EYS: variants seen among roughly 807,000 people sequenced by gnomAD.
The protein encoded by EYS is EGF-like photoreceptor maintenance factor, also known as protein eyes shut homolog.
A neutral mutation model predicts 282.1 loss-of-function variants in EYS; 250 were observed. That is an observed-to-expected ratio of 0.89 (90% CI 0.80 to 0.98). The LOEUF (loss-of-function observed/expected upper bound fraction) is 0.98. EYS is among the 50% of genes least tolerant of loss of function. The pLI is 0.00. For synonymous variants in EYS, 1,355 were observed against 1,282.9 expected (o/e 1.06, Z -1.20); for missense variants, 4,016 against 3,709.0 (o/e 1.08, Z -2.15).
At chr6:65,143,463 C>T (rs1352644599) in intron 12 of EYS, among the ~76,000 whole-genome samples, 1 of 151,490 alleles carries the variant, frequency 6.6e-6, no homozygotes. Flanking sequence ...CAATAATATT[C>T]AAGTTGAAAA....
At chr6:64,638,315 T>A (rs1768038424) in intron 22 of EYS, among the ~76,000 whole-genome samples, 1 of 91,826 alleles carries the variant, frequency 1.1e-5, no homozygotes, top group African/African-American at 4.1e-5. Context: ...GTAGATACAT[T>A]GTTCCTTTCT....
At chr6:64,427,142 C>T (rs1462753095) in intron 28 of EYS, among the ~76,000 whole-genome samples, 1 of 151,980 alleles carries the variant, frequency 6.6e-6, no homozygotes, top group African/African-American at 2.4e-5. Context: ...TGGTTAGTTC[C>T]CTTAAAAAAT....
chr6:64,416,658 A>C (rs908747090), intron 28 of EYS, among the ~76,000 whole-genome samples: 10 of 152,154 alleles, frequency 6.6e-5, no homozygotes, highest in Non-Finnish European at 1.2e-4. Flanking sequence ...CTAAGTGCTA[A>C]GAAATTGGAG....
intron 21 of EYS, among the ~76,000 whole-genome samples, chr6:64,817,580 T>C (rs1234819906): frequency 6.6e-6 from 1 of 152,058 alleles, no homozygotes; most frequent in Non-Finnish European, 1.5e-5. Context: ...ATAAAATAGG[T>C]CATTTTTTCG....
rs140799855 is a variant in EYS at position 64,926,923 on chromosome 6, G to A, written c.2382-14180C>T. 1.9e-4 allele frequency among the ~76,000 whole-genome samples: 29 copies of A among 152,232 alleles called. 1 individual carries two copies. In the East Asian group the frequency reaches 5.6e-3, roughly 29 times the overall value. ...AAGAGCAAATATAAAGACTATACAG[G>A]CGATATACGTCATGATTTTTTTACA... On this transcript the variant is annotated intron_variant, in intron 15 of 42. Transcript: ENST00000503581.
At chr6:64,862,148 G>A (rs1015730770) in intron 19 of EYS, among the ~76,000 whole-genome samples, 4 of 151,902 alleles carry the variant, frequency 2.6e-5, no homozygotes, top group African/African-American at 4.8e-5. Flanking sequence ...CTCTGATTTC[G>A]CATGTGAAGT....
intron 22 of EYS, among the ~76,000 whole-genome samples, chr6:64,807,249 T>C (rs1764460206): frequency 6.6e-6 from 1 of 152,114 alleles, no homozygotes; most frequent in East Asian, 1.9e-4. Flanking sequence ...TTCTTTTGTA[T>C]TTGATATTTC....
chr6:63,979,625 G>C (rs1402037030), intron 35 of EYS, among the ~76,000 whole-genome samples: 1 of 151,764 alleles, frequency 6.6e-6, no homozygotes, highest in African/African-American at 2.4e-5. Flanking sequence ...AAAAACATAT[G>C]GCTCAGAAAG....
chr6:64,683,451 A>C (rs1428847850), intron 22 of EYS, among the ~76,000 whole-genome samples: 1 of 152,252 alleles, frequency 6.6e-6, no homozygotes, highest in Non-Finnish European at 1.5e-5. Context: ...AATTTGTATT[A>C]TCTGAAATGA....
intron 35 of EYS, among the ~76,000 whole-genome samples, chr6:63,962,980 A>AC (rs1483819860): frequency 2.0e-5 from 3 of 152,034 alleles, no homozygotes; most frequent in Admixed American, 6.6e-5. Flanking sequence ...GAAGCTGGAA[A>AC]CCATCATTCT....
chr6:64,393,765 T>C (rs1773251325), intron 28 of EYS, among the ~76,000 whole-genome samples: 1 of 151,656 alleles, frequency 6.6e-6, no homozygotes, highest in Admixed American at 6.6e-5. Context: ...CAACATAGTG[T>C]TGGAAGTTCT....
chr6:65,314,054 A>G (rs1274384193), intron 11 of EYS, among the ~76,000 whole-genome samples: 1 of 151,858 alleles, frequency 6.6e-6, no homozygotes, highest in African/African-American at 2.4e-5. Context: ...TTCCCCACTT[A>G]GTGCCTTTCC....
chr6:64,277,421 TACCTAAACCTGTAAGATAA>T (rs913311170), intron 30 of EYS, among the ~76,000 whole-genome samples: 2 of 152,124 alleles, frequency 1.3e-5, no homozygotes, highest in Non-Finnish European at 2.9e-5. Flanking sequence ...ATGCTAATGT[TACCTAAACCTGTAAGATAA>T]ACCTAAACCT....
intron 9 of EYS, among the ~76,000 whole-genome samples, chr6:65,350,733 G>A (rs1770567319): frequency 6.6e-6 from 1 of 151,508 alleles, no homozygotes; most frequent in Non-Finnish European, 1.5e-5. Flanking sequence ...TGATGACATT[G>A]AAAAGAAACA....
At chr6:65,155,523 T>C (rs1764711668) in intron 12 of EYS, among the ~76,000 whole-genome samples, 1 of 151,442 alleles carries the variant, frequency 6.6e-6, no homozygotes, top group Non-Finnish European at 1.5e-5. Context: ...ATTAAATGAG[T>C]CTTGGAAACG....
At chr6:64,226,375 C>A (rs1766252905) in intron 31 of EYS, among the ~76,000 whole-genome samples, 1 of 152,012 alleles carries the variant, frequency 6.6e-6, no homozygotes, top group South Asian at 2.1e-4. Flanking sequence ...CAAAATATTT[C>A]TTGCTGTTAA....
At chr6:65,136,256 A>G (rs1397264769) in intron 12 of EYS, among the ~76,000 whole-genome samples, 1 of 152,088 alleles carries the variant, frequency 6.6e-6, no homozygotes, top group African/African-American at 2.4e-5. Context: ...GGATACATAT[A>G]AAAGTATTAG....
chr6:64,378,178 C>G (rs1477975403), intron 29 of EYS, among the ~76,000 whole-genome samples: 1 of 149,098 alleles, frequency 6.7e-6, no homozygotes, highest in Non-Finnish European at 1.5e-5. Context: ...CAGACAACAT[C>G]AGTGACAGTG....
chr6:64,747,495 C>T (rs948815222), intron 22 of EYS, among the ~76,000 whole-genome samples: 16 of 152,192 alleles, frequency 1.1e-4, no homozygotes, highest in African/African-American at 3.9e-4. Context: ...ATTCTCCTAC[C>T]TCAGACTCCA....
Sources: allele counts gnomAD v4.1 joint callset (sites outside exome capture counted in the v4.1 genomes callset), GRCh38; gene constraint gnomAD v4.1.1; transcripts MANE v1.5; gene names NCBI Gene and HGNC (gene_info 2026-07-23, HGNC 2026-07-21).